Variants in BRWD1 observed in about 807,000 individuals in gnomAD.
BRWD1 encodes the protein bromodomain and WD repeat-containing protein 1.
BRWD1 carries 82 observed loss-of-function variants against 251.2 expected under a neutral mutation model. The ratio of observed to expected loss-of-function variants is 0.33; its 90% CI spans 0.27 to 0.39. The LOEUF is 0.39. BRWD1 is among the 10% of genes least tolerant of loss of function. The pLI is 1.00. For missense variants in BRWD1, 2,233 were observed against 2,711.6 expected (o/e 0.82, Z 3.92); for synonymous variants, 918 against 902.8 (o/e 1.02, Z -0.30).
upstream of BRWD1, chr21:39,315,691 A>G (rs866089788): frequency 3.3e-5 from 5 of 152,132 alleles, no homozygotes; most frequent in African/African-American, 9.6e-5. Context: ...CTAGTGCAAC[A>G]GTAAGTTAAC....
At position 39,189,859 on chromosome 21, in the gene BRWD1, C is replaced by A. The variant is rs913698956; in HGVS notation, c.*6400G>T. 1 of 985,218 alleles carries A rather than the reference C, an allele frequency of 1.0e-6. No homozygotes were observed. Among genetic ancestry groups the A allele is most frequent in the African/African-American group, 1.7e-5 (1 of 57,214 alleles). The allele number at this position is 985,218 out of a possible 1,614,324, so 61.0% of individuals were successfully genotyped here. ...CTTAAGAACTCTGGATGTTGCTGCT[C>A]TAACAATGCATTTGTGATGGTGCCA... On this transcript the variant is annotated 3_prime_UTR_variant, in exon 41 of 41. Transcript: ENST00000342449.
In BRWD1 at chr21:39,187,111, GA is replaced by G. The variant is rs760830639; in HGVS notation, c.*9147del. 6.8e-6 allele frequency: 11 copies of G among 1,606,518 alleles called. No homozygotes were observed. In the Admixed American group the frequency reaches 1.2e-4, roughly 18 times the overall value. The stretch of plus-strand genomic sequence containing the variant: ...ATCTTCTAGCTCTTTTTCACTTTCA[GA>G]ATTTATGGTTGTATCATCCTCTTTA... On this transcript the variant is annotated 3_prime_UTR_variant, in exon 41 of 41. Transcript: ENST00000342449.
chr21:39,194,663 A>AT lies in BRWD1; in HGVS notation c.*1595_*1596insA. On this transcript the variant is annotated 3_prime_UTR_variant, in exon 41 of 41. Transcript: ENST00000342449. ...ATGGAATAGATAACTACAAAATAGG[A>AT]ACACTTCAGAACATTCTCTAACATT... 6.5e-7 allele frequency: 1 copy of AT among 1,533,930 alleles called. No individual in the cohort carries two copies. Among genetic ancestry groups the AT allele is most frequent in the Non-Finnish European group, 8.7e-7 (1 of 1,145,328 alleles).
chr21:39,241,489 A>AGATTT (rs1242037107), intron 21 of BRWD1, among the ~76,000 whole-genome samples: 2 of 123,652 alleles, frequency 1.6e-5, no homozygotes, highest in African/African-American at 4.0e-5. Flanking sequence ...AAAAAAAAAA[A>AGATTT]AAAAAAAAAA....
intron 17 of BRWD1, among the ~76,000 whole-genome samples, chr21:39,260,554 C>A (rs2034708999): frequency 6.6e-6 from 1 of 152,148 alleles, no homozygotes; most frequent in African/African-American, 2.4e-5. Context: ...AGGGTTCTAC[C>A]CATGAAAACT....
chr21:39,219,635 T>G (rs2033092438), intron 29 of BRWD1: 1 of 152,204 alleles, frequency 6.6e-6, no homozygotes, highest in Non-Finnish European at 1.5e-5. Flanking sequence ...TGGGAGCATT[T>G]CCTCTAGAAA....
intron 8 of BRWD1, among the ~76,000 whole-genome samples, chr21:39,289,327 G>A (rs994794893): frequency 4.6e-5 from 7 of 152,280 alleles, no homozygotes; most frequent in Admixed American, 2.6e-4. Context: ...CTTGAACAAT[G>A]CAAAGATCTC....
intron 19 of BRWD1, among the ~76,000 whole-genome samples, chr21:39,253,906 A>G (rs2034478545): frequency 6.6e-6 from 1 of 152,224 alleles, no homozygotes; most frequent in Admixed American, 6.5e-5. Context: ...ACTACTGCCC[A>G]TATTATAATT....
intron 17 of BRWD1, among the ~76,000 whole-genome samples, chr21:39,262,372 C>G (rs2146646970): frequency 6.6e-6 from 1 of 152,292 alleles, no homozygotes. Flanking sequence ...TGCAACAACA[C>G]TAATGAATCT....
intron 37 of BRWD1, among the ~76,000 whole-genome samples, 159 bp downstream of exon 37, chr21:39,205,949 G>A (rs890438451): frequency 6.6e-6 from 1 of 151,482 alleles, no homozygotes; most frequent in Admixed American, 6.6e-5. Flanking sequence ...ATGTGATGGT[G>A]TGCGCCTGTA....
Position 39,196,899 on chromosome 21 carries a change from T to C in BRWD1, c.6170A>G (p.Lys2057Arg). 1.2e-6 allele frequency: 2 copies of C among 1,613,924 alleles called. No individual in the cohort carries two copies. The highest frequency in any genetic ancestry group is 4.5e-5 in the East Asian group (2 of 44,888). Residue 2057 changes from lysine (K) to arginine (R), a missense_variant, in exon 41 of 41, where the codon AAA (lysine) becomes AGA (arginine). By Grantham distance (26) the Lys-to-Arg change is conservative. This residue lies in a region of BRWD1 where 928 missense variants were observed against 970.0 expected (regional missense o/e 0.96). Coordinates refer to ENST00000342449, the MANE Select transcript of BRWD1 (RefSeq NM_033656.4). ...AGTCTCACTCCCTGGAATATGACTT[T>C]TTGAATCTTCTCCTGAAGATGTAAC... The part of the protein sequence containing the change: ...SSVTSSGEDS[K>R]SHIPGSETDR...
At chr21:39,279,096 CAA>C (rs969103536) in intron 9 of BRWD1, among the ~76,000 whole-genome samples, 1 of 152,014 alleles carries the variant, frequency 6.6e-6, no homozygotes, top group South Asian at 2.1e-4. Context: ...TGTATTTTTA[CAA>C]AATATAAAAA....
intron 8 of BRWD1, among the ~76,000 whole-genome samples, chr21:39,285,749 C>T (rs2035611257): frequency 6.6e-6 from 1 of 151,546 alleles, no homozygotes; most frequent in Non-Finnish European, 1.5e-5. Context: ...GGCAAAACCC[C>T]ATCTCTACTC....
intron 4 of BRWD1, among the ~76,000 whole-genome samples, chr21:39,311,744 A>C (rs945727999): frequency 2.6e-5 from 4 of 152,226 alleles, no homozygotes; most frequent in African/African-American, 9.6e-5. Flanking sequence ...TTTACTTCAA[A>C]ATCTAAGAAA....
intron 37 of BRWD1, among the ~76,000 whole-genome samples, chr21:39,203,629 G>A (rs1031428739): frequency 4.0e-5 from 6 of 150,250 alleles, no homozygotes; most frequent in African/African-American, 7.3e-5. Context: ...GGATGGTCTC[G>A]ATCTCCTGAC....
chr21:39,315,488 G>T (rs985583824), upstream of BRWD1, among the ~76,000 whole-genome samples: 1 of 152,004 alleles, frequency 6.6e-6, no homozygotes, highest in Non-Finnish European at 1.5e-5. Flanking sequence ...AAAAAAATTA[G>T]CCAGGTGTGG....
At chr21:39,232,134 A>G (rs755495017) in intron 25 of BRWD1, 43 bp downstream of exon 25, 55 of 1,357,452 alleles carry the variant, frequency 4.1e-5, no homozygotes, top group Non-Finnish European at 5.7e-5. Context: ...TTAACTATGT[A>G]TGTGCTAAAA....
intron 15 of BRWD1, among the ~76,000 whole-genome samples, chr21:39,268,741 C>T (rs918913976): frequency 2.0e-5 from 3 of 152,122 alleles, no homozygotes; most frequent in Non-Finnish European, 4.4e-5. Flanking sequence ...AATCCCAACA[C>T]TTTGGGAGGC....
chr21:39,270,913 A>G (rs115073619), intron 13 of BRWD1, among the ~76,000 whole-genome samples: 2,318 of 152,338 alleles, frequency 0.015, 57 homozygotes, highest in African/African-American at 0.053. Flanking sequence ...ATCTCTTCAT[A>G]CAACTTTCCT....
Sources: gnomAD v4.1 joint callset for allele counts (sites outside exome capture counted in the v4.1 genomes callset) on GRCh38, gnomAD v4.1.1 for gene constraint, gnomAD v4.1.1 regional missense constraint, MANE v1.5 for transcripts, NCBI Gene and HGNC (gene_info 2026-07-23, HGNC 2026-07-21) for gene names.